The following ABTB2 variants were observed in gnomAD, a reference collection of about 807,000 sequenced individuals.
The protein encoded by ABTB2 is ankyrin repeat and BTB/POZ domain-containing protein 2.
Under a neutral mutation model 104.1 loss-of-function variants are expected in ABTB2, and 56 were observed. That is an observed-to-expected ratio of 0.54 (90% CI 0.43 to 0.67). The LOEUF is 0.67. Ranked by LOEUF, ABTB2 falls within the 30% of genes least tolerant of loss-of-function variation. ABTB2 has a pLI of 0.00. For missense variants in ABTB2, 1,279 were observed against 1,407.7 expected (o/e 0.91, Z 1.46); for synonymous variants, 606 against 608.2 (o/e 1.00, Z 0.05).
At chr11:34,270,668 G>A (rs761905753) in intron 1 of ABTB2, among the ~76,000 whole-genome samples, 15 of 152,128 alleles carry the variant, frequency 9.9e-5, no homozygotes, top group Non-Finnish European at 2.1e-4. Flanking sequence ...CACCTCAGAG[G>A]TTGACAACCA....
chr11:34,155,351 A>C (rs1432100937), intron 14 of ABTB2, among the ~76,000 whole-genome samples: 1 of 151,954 alleles, frequency 6.6e-6, no homozygotes, highest in Non-Finnish European at 1.5e-5. Flanking sequence ...CGCAGAGCCC[A>C]GGCCCGGAGG....
At chr11:34,322,374 G>A (rs973464653) in intron 1 of ABTB2, among the ~76,000 whole-genome samples, 1 of 152,090 alleles carries the variant, frequency 6.6e-6, no homozygotes, top group Non-Finnish European at 1.5e-5. Context: ...TCAGGAGTTC[G>A]AGACCAGTCT....
At chr11:34,268,702 G>A (rs1469110420) in intron 1 of ABTB2, among the ~76,000 whole-genome samples, 2 of 152,222 alleles carry the variant, frequency 1.3e-5, no homozygotes, top group African/African-American at 2.4e-5. Flanking sequence ...CTGGAGGCAA[G>A]AAGTCTGAAA....
At chr11:34,260,661 G>A (rs1025194687) in intron 1 of ABTB2, among the ~76,000 whole-genome samples, 2 of 152,174 alleles carry the variant, frequency 1.3e-5, no homozygotes, top group African/African-American at 4.8e-5. Context: ...ATTCTGAAAC[G>A]CTTATCTCAC....
chr11:34,326,355 G>A (rs1855070526), intron 1 of ABTB2, among the ~76,000 whole-genome samples: 1 of 152,094 alleles, frequency 6.6e-6, no homozygotes, highest in Non-Finnish European at 1.5e-5. Flanking sequence ...AGGTACAGTG[G>A]CTCACATTTG....
chr11:34,196,239 C>A (rs1169115618), intron 3 of ABTB2, among the ~76,000 whole-genome samples: 1 of 152,152 alleles, frequency 6.6e-6, no homozygotes, highest in Non-Finnish European at 1.5e-5. Flanking sequence ...AAAGGCAGCC[C>A]TCAGAGAAAA....
intron 1 of ABTB2, among the ~76,000 whole-genome samples, chr11:34,264,654 A>G (rs1004043778): frequency 2.6e-5 from 4 of 152,194 alleles, no homozygotes; most frequent in African/African-American, 9.7e-5. Context: ...ATAATAGTCA[A>G]CTACAATGCT....
At chr11:34,197,014 A>G (rs907992916) in intron 3 of ABTB2, among the ~76,000 whole-genome samples, 1 of 152,158 alleles carries the variant, frequency 6.6e-6, no homozygotes, top group Non-Finnish European at 1.5e-5. Context: ...TGACTATCTC[A>G]TTTTATAACA....
chr11:34,295,689 T>G (rs1854615213), intron 1 of ABTB2, among the ~76,000 whole-genome samples: 1 of 152,124 alleles, frequency 6.6e-6, no homozygotes, highest in South Asian at 2.1e-4. Context: ...CAACAGAAGT[T>G]TATTTCTCAC....
intron 3 of ABTB2, among the ~76,000 whole-genome samples, chr11:34,194,160 G>A (rs370528126): frequency 2.6e-5 from 4 of 152,176 alleles, no homozygotes; most frequent in African/African-American, 9.7e-5. Flanking sequence ...GACTTGAGTG[G>A]TTCCATCAAT....
At chr11:34,194,924 A>G (rs931140435) in intron 3 of ABTB2, among the ~76,000 whole-genome samples, 1 of 152,084 alleles carries the variant, frequency 6.6e-6, no homozygotes, top group African/African-American at 2.4e-5. Context: ...AAACACATGC[A>G]CGTGTGTCTA....
At position 34,357,079 on chromosome 11, in the gene ABTB2, C is replaced by T; in HGVS notation, c.505G>A (p.Ala169Thr). The T allele has an allele frequency of 6.6e-7, 1 of 1,523,194 alleles. No individual in the cohort carries two copies. The highest frequency in any genetic ancestry group is 8.8e-7 in the Non-Finnish European group (1 of 1,137,942). 94.4% of individuals were successfully genotyped at this position (1,523,194 alleles called of 1,614,324 possible). Residue 169 changes from alanine (A) to threonine (T), a missense_variant, in exon 1 of 17, where the codon GCG becomes ACG. Physicochemically the swap from Ala to Thr is moderately conservative, Grantham distance 58. Coordinates refer to ENST00000435224, the MANE Select transcript of ABTB2 (RefSeq NM_145804.3). ...QSAVRLVHSW[A>T]LAESCALAAV... The stretch of plus-strand genomic sequence containing the variant: ...GCCAGCGCGCAGCTCTCGGCCAGCG[C>T]CCAGCTGTGCACCAGGCGCACGGCG...
intron 3 of ABTB2, among the ~76,000 whole-genome samples, chr11:34,187,129 C>T (rs1190441403): frequency 6.6e-6 from 1 of 152,214 alleles, no homozygotes; most frequent in African/African-American, 2.4e-5. Context: ...CCAAGAGCTA[C>T]TGTAAGGACC....
intron 14 of ABTB2, among the ~76,000 whole-genome samples, chr11:34,156,029 G>A (rs548771064): frequency 1.1e-4 from 17 of 152,292 alleles, no homozygotes; most frequent in African/African-American, 4.1e-4. Context: ...AGATCTTCCT[G>A]TTGGGATTCT....
intron 2 of ABTB2, among the ~76,000 whole-genome samples, chr11:34,202,592 GC>G (rs1319707598): frequency 1.2e-4 from 18 of 152,154 alleles, no homozygotes; most frequent in Non-Finnish European, 2.5e-4. Context: ...TATAATCCTA[GC>G]ACTTCGGGAG....
chr11:34,198,851 C>T (rs759783056), intron 2 of ABTB2, among the ~76,000 whole-genome samples: 17 of 152,192 alleles, frequency 1.1e-4, no homozygotes, highest in East Asian at 1.9e-4. Context: ...GCAGCTCCTT[C>T]GGGGTCAGCT....
chr11:34,170,436 T>A (rs1852857067), intron 5 of ABTB2, among the ~76,000 whole-genome samples: 2 of 152,244 alleles, frequency 1.3e-5, no homozygotes, highest in African/African-American at 4.8e-5. Flanking sequence ...ATTTTCATGC[T>A]TCATTTTAGT....
intron 1 of ABTB2, among the ~76,000 whole-genome samples, chr11:34,315,000 C>A (rs796068180): frequency 1.3e-5 from 2 of 152,298 alleles, no homozygotes; most frequent in Non-Finnish European, 2.9e-5. Context: ...AATGACTTCC[C>A]CAGAAAGGCC....
chr11:34,291,866 G>A (rs1047593174), intron 1 of ABTB2, among the ~76,000 whole-genome samples: 2 of 151,598 alleles, frequency 1.3e-5, no homozygotes, highest in African/African-American at 4.8e-5. Context: ...TGGGCAAAGT[G>A]GTCTGTAAAG....
Sources: gnomAD v4.1 joint callset for allele counts (sites outside exome capture counted in the v4.1 genomes callset) on GRCh38, gnomAD v4.1.1 for gene constraint, MANE v1.5 for transcripts, NCBI Gene and HGNC (gene_info 2026-07-23, HGNC 2026-07-21) for gene names.